SLC4A4: variants seen among roughly 807,000 people sequenced by gnomAD.
SLC4A4 encodes electrogenic sodium bicarbonate cotransporter 1.
SLC4A4 carries 27 observed loss-of-function variants against 111.5 expected under a neutral mutation model. The observed-to-expected ratio is 0.24, with a 90% CI of 0.18 to 0.33. SLC4A4 has a LOEUF of 0.33. Among genes scored for constraint, SLC4A4 ranks in the 10% least tolerant of loss-of-function variants. SLC4A4 has a pLI of 1.00. For synonymous variants in SLC4A4, 443 were observed against 463.4 expected (o/e 0.96, Z 0.57); for missense variants, 909 against 1,315.5 (o/e 0.69, Z 4.78).
intron 3 of SLC4A4, among the ~76,000 whole-genome samples, chr4:71,307,988 G>T (rs1424135586): frequency 1.3e-5 from 2 of 152,152 alleles, no homozygotes; most frequent in African/African-American, 2.4e-5. Context: ...ACCTGATTCT[G>T]CCACTCCCTG....
At chr4:71,081,365 C>A (rs1012887028) in intron 1 of SLC4A4, among the ~76,000 whole-genome samples, 5 of 152,126 alleles carry the variant, frequency 3.3e-5, no homozygotes, top group Non-Finnish European at 7.3e-5. Context: ...GATGCCAAAA[C>A]TGGAACTCTG....
chr4:71,331,336 G>A (rs1308471109), intron 3 of SLC4A4, among the ~76,000 whole-genome samples: 3 of 152,184 alleles, frequency 2.0e-5, no homozygotes, highest in East Asian at 3.8e-4. Context: ...CAACCCAAAT[G>A]TCCATGAATG....
At chr4:71,564,044 T>A (rs893917843) in intron 24 of SLC4A4, among the ~76,000 whole-genome samples, 155 bp downstream of exon 24, 4 of 151,912 alleles carry the variant, frequency 2.6e-5, no homozygotes, top group Admixed American at 2.6e-4. Context: ...AACTTTGTTT[T>A]TACATACCCT....
intron 7 of SLC4A4, chr4:71,437,623 TC>T: frequency 1.9e-6 from 1 of 519,616 alleles, no homozygotes; most frequent in Non-Finnish European, 3.9e-6. Flanking sequence ...TTCGTCAACA[TC>T]CACAAAGGCA....
At chr4:71,296,134 T>A (rs1023512177) in intron 3 of SLC4A4, among the ~76,000 whole-genome samples, 3 of 152,176 alleles carry the variant, frequency 2.0e-5, no homozygotes, top group African/African-American at 7.2e-5. Context: ...TTCTTTCTTT[T>A]TATACCTTAT....
chr4:71,322,140 TC>T (rs1312871068), intron 3 of SLC4A4, among the ~76,000 whole-genome samples: 2 of 151,962 alleles, frequency 1.3e-5, no homozygotes, highest in African/African-American at 2.4e-5. Flanking sequence ...GTGGGGAATG[TC>T]ACCTTTTTTC....
chr4:71,142,599 A>G (rs1438500915), intron 2 of SLC4A4, among the ~76,000 whole-genome samples: 1 of 152,180 alleles, frequency 6.6e-6, no homozygotes, highest in African/African-American at 2.4e-5. Flanking sequence ...CAGTAATGAC[A>G]TAGCCGAGGC....
At chr4:71,496,944 G>A (rs1730466738) in intron 15 of SLC4A4, among the ~76,000 whole-genome samples, 1 of 151,984 alleles carries the variant, frequency 6.6e-6, no homozygotes, top group Admixed American at 6.6e-5. Context: ...GAAAAAGCAG[G>A]GACCATCCAT....
rs1736144059 is a variant in SLC4A4 at position 71,552,849 on chromosome 4, T to TG, written c.2695-2291_2695-2290insG. 3.5e-5 allele frequency among the ~76,000 whole-genome samples: 5 copies of TG among 143,988 alleles called. No individual in the cohort carries two copies. In the South Asian group the frequency reaches 1.2e-3, roughly 33 times the overall value. 94.5% of individuals were successfully genotyped at this position (143,988 alleles called of 152,430 possible). A position where few individuals can be genotyped will look rare whatever the true frequency, so the allele number is the denominator to read the frequency against. On this transcript the variant is annotated intron_variant, in intron 20 of 25. Transcript: ENST00000264485. The stretch of plus-strand genomic sequence containing the variant: ...GCTTTGTAAAAATATCTACCTACTA[T>TG]TACTATGTAAATTATACTGGTTTAA...
intron 6 of SLC4A4, among the ~76,000 whole-genome samples, chr4:71,367,147 A>G (rs1368481945): frequency 1.3e-5 from 2 of 152,146 alleles, no homozygotes; most frequent in African/African-American, 4.8e-5. Context: ...CCAACAATAC[A>G]CTGACAGGTT....
At chr4:71,332,734 C>G (rs1399442661) in intron 3 of SLC4A4, among the ~76,000 whole-genome samples, 2 of 152,212 alleles carry the variant, frequency 1.3e-5, no homozygotes, top group Non-Finnish European at 2.9e-5. Flanking sequence ...GCCCGGCCGA[C>G]TGTGTATTTT....
chr4:71,157,099 T>A (rs539987443), intron 2 of SLC4A4, among the ~76,000 whole-genome samples: 1 of 152,282 alleles, frequency 6.6e-6, no homozygotes, highest in African/African-American at 2.4e-5. Flanking sequence ...TGAATGTAAA[T>A]ACACCACTCC....
At chr4:71,227,839 T>C (rs1719151985) in intron 1 of SLC4A4, among the ~76,000 whole-genome samples, 1 of 152,150 alleles carries the variant, frequency 6.6e-6, no homozygotes, top group African/African-American at 2.4e-5. Flanking sequence ...GCTAAAAGAG[T>C]TTAGAAGGGA....
At position 71,570,940 on chromosome 4, in the gene SLC4A4, A is replaced by C. The variant is rs1212660941; in HGVS notation, c.*3189A>C. ...TGGGGCTGGGGAGAGGACTTAACTG[A>C]CTTAAGAAGTAGGAAAACAAAAACC... On this transcript the variant is annotated 3_prime_UTR_variant, in exon 26 of 26. Transcript: ENST00000264485. 6.6e-6 allele frequency: 1 copy of C among 152,138 alleles called. No homozygotes were observed. Among genetic ancestry groups the C allele is most frequent in the Non-Finnish European group, 1.5e-5 (1 of 67,808 alleles). 9.4% of individuals were successfully genotyped at this position (152,138 alleles called of 1,614,324 possible). A position where few individuals can be genotyped will look rare whatever the true frequency, so the allele number is the denominator to read the frequency against.
chr4:71,195,672 G>C (rs1745965328), intron 1 of SLC4A4, among the ~76,000 whole-genome samples: 1 of 152,164 alleles, frequency 6.6e-6, no homozygotes. Context: ...AGGCGTGCCT[G>C]GTTATTGCTT....
chr4:71,557,342 A>T (rs1226900835), intron 21 of SLC4A4, among the ~76,000 whole-genome samples: 1 of 151,966 alleles, frequency 6.6e-6, no homozygotes, highest in Non-Finnish European at 1.5e-5. Context: ...AGTAAGATAC[A>T]TGAGCTAGAC....
chr4:71,164,758 G>A (rs1431946521), intron 2 of SLC4A4, among the ~76,000 whole-genome samples: 8 of 152,070 alleles, frequency 5.3e-5, no homozygotes, highest in Non-Finnish European at 7.4e-5. Context: ...TCATCAGAGC[G>A]AACAGGCAAC....
intron 2 of SLC4A4, among the ~76,000 whole-genome samples, chr4:71,110,486 G>A (rs1578489592): frequency 6.6e-6 from 1 of 152,210 alleles, no homozygotes; most frequent in East Asian, 1.9e-4. Context: ...GATTACAGAT[G>A]TGAGCCACTG....
intron 2 of SLC4A4, 40 bp from the exon 3 acceptor site, chr4:71,255,180 T>C (rs532708299): frequency 3.8e-6 from 6 of 1,570,260 alleles, no homozygotes; most frequent in African/African-American, 1.3e-5. Flanking sequence ...CAGTAGAGAA[T>C]GTGGTTTGAA....
Sources: allele counts gnomAD v4.1 joint callset (sites outside exome capture counted in the v4.1 genomes callset), GRCh38; gene constraint gnomAD v4.1.1; transcripts MANE v1.5; gene names NCBI Gene and HGNC (gene_info 2026-07-23, HGNC 2026-07-21).